SLC35F4: variants seen among roughly 807,000 people sequenced by gnomAD.
The protein encoded by SLC35F4 is solute carrier family 35 member F4.
Under a neutral mutation model 44.2 loss-of-function variants are expected in SLC35F4, and 24 were observed. The observed-to-expected ratio is 0.54, with a 90% confidence interval of 0.39 to 0.76. The LOEUF is 0.76. Among genes scored for constraint, SLC35F4 ranks in the 30% least tolerant of loss-of-function variants. The probability of loss-of-function intolerance (pLI) is 0.00; values close to 1 mark genes in which losing one functional copy is unlikely to be tolerated. For missense variants in SLC35F4, 562 were observed against 586.1 expected, an observed-to-expected ratio of 0.96 and a Z score of 0.42; for synonymous variants, 238 against 223.6, an observed-to-expected ratio of 1.06 and a Z score of -0.57.
intron 1 of SLC35F4, among the ~76,000 whole-genome samples, chr14:57,937,601 A>AAAAG (rs1381294129): frequency 3.2e-4 from 14 of 43,568 alleles, no homozygotes; most frequent in Admixed American, 2.9e-3. Context: ...AAAAGAAAAG[A>AAAAG]AAAGAAAAGA....
chr14:57,643,639 T>C (rs1414517755), intron 1 of SLC35F4, among the ~76,000 whole-genome samples: 1 of 152,194 alleles, frequency 6.6e-6, no homozygotes, highest in Non-Finnish European at 1.5e-5. Context: ...TGTTATACTT[T>C]AAGTTTTAGG....
Position 57,862,331 on chromosome 14 carries a change from T to C in SLC35F4, c.103+3392A>G, listed in dbSNP as rs140867034. On this transcript the variant is annotated intron_variant, in intron 1 of 7. Transcript: ENST00000556826. Reference sequence around the variant, plus strand: ...TCTCACCTACGTTATCACAATAACATACTAATTAGGTGTTTTCACCCTGTC... The same window carrying C: ...TCTCACCTACGTTATCACAATAACACACTAATTAGGTGTTTTCACCCTGTC... Among the ~76,000 whole-genome samples the C allele has an allele frequency of 2.0e-3, 299 of 152,318 alleles. 2 individuals carry two copies. The highest frequency in any genetic ancestry group is 6.9e-3 in the African/African-American group (285 of 41,576).
chr14:57,973,748 T>C (rs1881124075), downstream of SLC35F4, among the ~76,000 whole-genome samples: 1 of 152,114 alleles, frequency 6.6e-6, no homozygotes, highest in Non-Finnish European at 1.5e-5. Context: ...AAAAGAAGTA[T>C]AAGCAGACCT....
At chr14:57,925,244 T>C (rs746554248) in intron 1 of SLC35F4, among the ~76,000 whole-genome samples, 40 of 152,056 alleles carry the variant, frequency 2.6e-4, no homozygotes, top group Non-Finnish European at 4.6e-4. Flanking sequence ...GGCACAAATA[T>C]CCGAACTATA....
chr14:57,662,220 C>A (rs2074160487), intron 1 of SLC35F4, among the ~76,000 whole-genome samples: 1 of 152,100 alleles, frequency 6.6e-6, no homozygotes, highest in African/African-American at 2.4e-5. Context: ...AGAAGTTATA[C>A]ATTACTAATT....
At chr14:57,737,227 C>T (rs2076488906) in intron 1 of SLC35F4, among the ~76,000 whole-genome samples, 1 of 151,882 alleles carries the variant, frequency 6.6e-6, no homozygotes, top group Non-Finnish European at 1.5e-5. Flanking sequence ...GCAATATGTG[C>T]TACTATGGAT....
intron 1 of SLC35F4, among the ~76,000 whole-genome samples, chr14:57,933,132 C>T (rs915593266): frequency 1.4e-4 from 21 of 151,494 alleles, no homozygotes; most frequent in Non-Finnish European, 2.9e-4. Flanking sequence ...ACAAATTCTC[C>T]TGCCTCAGCC....
At chr14:57,802,961 G>C (rs1053670530) in intron 1 of SLC35F4, among the ~76,000 whole-genome samples, 2 of 127,166 alleles carry the variant, frequency 1.6e-5, no homozygotes, top group African/African-American at 6.3e-5. Context: ...GCATCATCCT[G>C]ATACCACAAC....
At chr14:57,730,469 T>C (rs2076316798) in intron 1 of SLC35F4, among the ~76,000 whole-genome samples, 1 of 152,184 alleles carries the variant, frequency 6.6e-6, no homozygotes, top group African/African-American at 2.4e-5. Flanking sequence ...GATTTAGATG[T>C]TTATCTCACT....
In SLC35F4 at chr14:57,803,408, C is replaced by T. The variant is rs556173186; in HGVS notation, c.103+62315G>A. 9.9e-5 allele frequency among the ~76,000 whole-genome samples: 15 copies of T among 152,114 alleles called. No homozygotes were observed. In the South Asian group the frequency reaches 2.1e-3, roughly 21 times the overall value. ...GAAAACTGGCACAAGACAAGGATGC[C>T]GTCTCTCACCACTCCTATTCAACAT... On this transcript the variant is annotated intron_variant, in intron 1 of 7. Coordinates refer to ENST00000556826, the MANE Select transcript of SLC35F4 (RefSeq NM_001306087.2).
chr14:57,700,618 C>A (rs2075510478), intron 1 of SLC35F4, among the ~76,000 whole-genome samples: 1 of 152,036 alleles, frequency 6.6e-6, no homozygotes, highest in Non-Finnish European at 1.5e-5. Flanking sequence ...AAAACATTTT[C>A]AGGCCAGGCA....
chr14:57,628,728 C>G (rs147973821), intron 1 of SLC35F4, among the ~76,000 whole-genome samples: 3 of 152,028 alleles, frequency 2.0e-5, no homozygotes, highest in Admixed American at 2.0e-4. Context: ...GTCAAAGACA[C>G]GAAACCTCTT....
chr14:57,918,647 T>C (rs1335515), intron 1 of SLC35F4, among the ~76,000 whole-genome samples: 32,176 of 152,054 alleles, frequency 0.21, 4,444 homozygotes, highest in Non-Finnish European at 0.31. Context: ...CTAGAGAAAA[T>C]TTGCAGAACG....
chr14:57,744,774 C>T (rs1366005940), intron 1 of SLC35F4, among the ~76,000 whole-genome samples: 2 of 152,168 alleles, frequency 1.3e-5, no homozygotes, highest in Admixed American at 6.5e-5. Context: ...AAAAGGCCCA[C>T]ATTGCCAAGA....
At chr14:57,569,583 A>T (rs1225006508) in intron 6 of SLC35F4, among the ~76,000 whole-genome samples, 1 of 152,196 alleles carries the variant, frequency 6.6e-6, no homozygotes, top group Non-Finnish European at 1.5e-5. Flanking sequence ...ACCTTAACTC[A>T]TGGGAGGCAT....
chr14:57,883,593 T>G (rs1414160803), intron 1 of SLC35F4, among the ~76,000 whole-genome samples: 1 of 152,202 alleles, frequency 6.6e-6, no homozygotes, highest in Non-Finnish European at 1.5e-5. Flanking sequence ...TATAATCAAA[T>G]GTATAATTTA....
At chr14:57,574,365 A>G (rs752672538) in intron 4 of SLC35F4, among the ~76,000 whole-genome samples, 11 of 152,208 alleles carry the variant, frequency 7.2e-5, no homozygotes, top group Non-Finnish European at 1.5e-4. Context: ...TTAAATTGAC[A>G]TGTCAATTAC....
chr14:57,847,045 T>A (rs1886092077), intron 1 of SLC35F4, among the ~76,000 whole-genome samples: 1 of 152,268 alleles, frequency 6.6e-6, no homozygotes, highest in Non-Finnish European at 1.5e-5. Flanking sequence ...GAAATATTTA[T>A]AGCAAGTTGA....
At chr14:57,776,498 C>T (rs1298512707) in intron 1 of SLC35F4, among the ~76,000 whole-genome samples, 2 of 151,848 alleles carry the variant, frequency 1.3e-5, no homozygotes, top group Non-Finnish European at 2.9e-5. Context: ...AACCCCTTCT[C>T]TACTAAAAAT....
Sources: allele counts gnomAD v4.1 joint callset (sites outside exome capture counted in the v4.1 genomes callset), GRCh38; gene constraint gnomAD v4.1.1; transcripts MANE v1.5; gene names NCBI Gene and HGNC (gene_info 2026-07-23, HGNC 2026-07-21).